The following SNX25 variants were observed in gnomAD, a reference collection of about 807,000 sequenced individuals.
SNX25 encodes sorting nexin 25.
Under a neutral mutation model 113.7 loss-of-function variants are expected in SNX25, and 62 were observed. The ratio of observed to expected loss-of-function variants is 0.55; its 90% confidence interval spans 0.44 to 0.67. The LOEUF is 0.67. SNX25 is among the 30% of genes least tolerant of loss of function. The pLI, the probability that SNX25 is intolerant of heterozygous loss-of-function variation, is 0.00. For synonymous variants in SNX25, 421 were observed against 436.2 expected (o/e 0.97, Z 0.43); for missense variants, 1,014 against 1,161.0 (o/e 0.87, Z 1.84).
intron 5 of SNX25, among the ~76,000 whole-genome samples, 195 bp from the exon 6 acceptor site, chr4:185,287,817 C>G (rs1221184494): frequency 8.2e-6 from 1 of 122,158 alleles, no homozygotes; most frequent in African/African-American, 2.9e-5. Flanking sequence ...GTGAGGGCCT[C>G]AGAATGACTA....
At chr4:185,204,528 A>G (rs977088568) in intron 1 of SNX25, 3 of 152,202 alleles carry the variant, frequency 2.0e-5, no homozygotes, top group Non-Finnish European at 4.4e-5. Context: ...GAATACAATA[A>G]CTTCTCGTTG....
intron 16 of SNX25, among the ~76,000 whole-genome samples, chr4:185,358,936 A>G (rs1258701099): frequency 1.3e-5 from 2 of 152,244 alleles, no homozygotes; most frequent in Non-Finnish European, 2.9e-5. Context: ...TACCATATAA[A>G]GCTTATAAAT....
At chr4:185,311,657 T>C (rs920258369) in intron 7 of SNX25, among the ~76,000 whole-genome samples, 5 of 152,254 alleles carry the variant, frequency 3.3e-5, no homozygotes, top group African/African-American at 1.2e-4. Flanking sequence ...TAACTCAAGC[T>C]ACAGCCTCTA....
At chr4:185,246,788 A>G (rs1744925625) in intron 1 of SNX25, among the ~76,000 whole-genome samples, 3 of 152,172 alleles carry the variant, frequency 2.0e-5, no homozygotes, top group African/African-American at 7.2e-5. Flanking sequence ...CCATTCCAAG[A>G]TTATAAAAAG....
intron 1 of SNX25, among the ~76,000 whole-genome samples, chr4:185,219,908 C>CTTT (rs35064352): frequency 0.12 from 16,796 of 142,856 alleles, 1,009 homozygotes; most frequent in African/African-American, 0.14. Flanking sequence ...AGTTGTTAAT[C>CTTT]TTTTTTTTTT....
chr4:185,233,331 A>C (rs1271424026), intron 1 of SNX25, among the ~76,000 whole-genome samples: 1 of 152,020 alleles, frequency 6.6e-6, no homozygotes, highest in East Asian at 1.9e-4. Flanking sequence ...AGAGAACATA[A>C]TTTATTTACC....
chr4:185,261,844 T>G (rs373411367), intron 3 of SNX25, among the ~76,000 whole-genome samples: 12 of 152,214 alleles, frequency 7.9e-5, no homozygotes, highest in African/African-American at 2.2e-4. Flanking sequence ...TCCTGCCACA[T>G]TTCTCCTGGA....
At chr4:185,369,193 C>T (rs1294686286) in intron 11 of SNX25, among the ~76,000 whole-genome samples, 4 of 145,972 alleles carry the variant, frequency 2.7e-5, no homozygotes, top group African/African-American at 5.1e-5. Flanking sequence ...AACCTGAAAT[C>T]GGCTTGGTTT....
intron 1 of SNX25, among the ~76,000 whole-genome samples, chr4:185,222,321 G>A (rs1046446636): frequency 1.3e-5 from 2 of 148,822 alleles, no homozygotes; most frequent in African/African-American, 5.0e-5. Flanking sequence ...TTCACTGTAG[G>A]TATACAGCAC....
intron 11 of SNX25, among the ~76,000 whole-genome samples, chr4:185,341,742 C>T (rs1579856673): frequency 6.6e-6 from 1 of 152,176 alleles, no homozygotes; most frequent in Non-Finnish European, 1.5e-5. Context: ...CACTGGCTAG[C>T]AAAAACTCTT....
intron 11 of SNX25, 151 bp downstream of exon 11, chr4:185,339,661 A>G: frequency 1.0e-6 from 1 of 958,518 alleles, no homozygotes; most frequent in African/African-American, 1.7e-5. Flanking sequence ...CACAATTTTC[A>G]CTCCGGTTCA....
At chr4:185,205,940 A>G (rs1162825096), upstream of SNX25, among the ~76,000 whole-genome samples, 2 of 152,230 alleles carry the variant, frequency 1.3e-5, no homozygotes, top group Non-Finnish European at 2.9e-5. Context: ...GATACTCAAC[A>G]CCACTAATTA....
chr4:185,255,742 G>C (rs1257861454), intron 2 of SNX25, among the ~76,000 whole-genome samples: 9 of 152,278 alleles, frequency 5.9e-5, no homozygotes, highest in Admixed American at 3.3e-4. Flanking sequence ...GTGATTGGCA[G>C]GTAGGAGTCT....
intron 3 of SNX25, among the ~76,000 whole-genome samples, chr4:185,259,870 A>G (rs1747029990): frequency 6.6e-6 from 1 of 152,154 alleles, no homozygotes; most frequent in South Asian, 2.1e-4. Flanking sequence ...CTGTTCGTGT[A>G]GGGGACCTTG....
chr4:185,300,839 T>TCACACACACACACACACA (rs1560985826), intron 6 of SNX25, among the ~76,000 whole-genome samples: 91 of 49,666 alleles, frequency 1.8e-3, no homozygotes, highest in African/African-American at 8.4e-3. Flanking sequence ...ATGATTATTA[T>TCACACACACACACACACA]GACACACACA....
chr4:185,226,269 T>C (rs1740985280), intron 1 of SNX25, among the ~76,000 whole-genome samples: 1 of 152,236 alleles, frequency 6.6e-6, no homozygotes, highest in Non-Finnish European at 1.5e-5. Flanking sequence ...TACTCTGTCA[T>C]CACTGCATTA....
chr4:185,288,331 G>T (rs1304403352), intron 6 of SNX25, among the ~76,000 whole-genome samples: 2 of 151,952 alleles, frequency 1.3e-5, no homozygotes, highest in African/African-American at 4.8e-5. Flanking sequence ...TTTTTAGAAG[G>T]CTAAAATCAT....
At position 185,310,665 on chromosome 4, in the gene SNX25, T is replaced by C; in HGVS notation, c.1193T>C (p.Leu398Pro). ...GKETAAMKAD[L>P]LRARNMKRYI... ...GAAACTGCGGCAATGAAAGCTGATC[T>C]CCTGAGGGCCAGGAACATGAAGAGG... Residue 398 changes from leucine (L) to proline (P), a missense_variant, in exon 7 of 19, where the codon CTC (leucine) becomes CCC (proline). Physicochemically the swap from Leu to Pro is moderately conservative, Grantham distance 98 (BLOSUM62 -3). Transcript: ENST00000652585. 1 of 1,613,318 alleles carries C rather than the reference T, an allele frequency of 6.2e-7. No homozygotes were observed. The highest frequency in any genetic ancestry group is 8.5e-7 in the Non-Finnish European group (1 of 1,179,698).
Position 185,221,025 on chromosome 4 carries a change from C to G in SNX25, c.429+10770C>G, listed in dbSNP as rs540091168. On this transcript the variant is annotated intron_variant, in intron 1 of 18. Coordinates refer to ENST00000652585, the MANE Select transcript of SNX25 (RefSeq NM_001378034.2). Reference sequence around the variant, plus strand: ...GGGACTACAGGTGGGTGCCACCACACCCAGCTAATTTTTTTTTTTTTTTCT... The same window carrying G: ...GGGACTACAGGTGGGTGCCACCACAGCCAGCTAATTTTTTTTTTTTTTTCT... 5.9e-5 allele frequency among the ~76,000 whole-genome samples: 9 copies of G among 151,816 alleles called. No homozygotes were observed. The East Asian group carries it at 1.7e-3, about 29-fold the overall frequency.
Sources: gnomAD v4.1 joint callset for allele counts (sites outside exome capture counted in the v4.1 genomes callset) on GRCh38, gnomAD v4.1.1 for gene constraint, MANE v1.5 for transcripts, NCBI Gene and HGNC (gene_info 2026-07-23, HGNC 2026-07-21) for gene names.